The following FUT8 variants were observed in gnomAD, a reference collection of about 807,000 sequenced individuals.
FUT8 encodes the protein fucosyltransferase 8, also known as alpha-(1,6)-fucosyltransferase.
Under a neutral mutation model 71.3 loss-of-function variants are expected in FUT8, and 29 were observed. The observed-to-expected ratio is 0.41, with a 90% confidence interval of 0.30 to 0.55. FUT8 has a LOEUF of 0.55. FUT8 is among the 20% of genes least tolerant of loss of function. The pLI, the probability that FUT8 is intolerant of heterozygous loss-of-function variation, is 0.34. For missense variants in FUT8, 544 were observed against 702.1 expected, an observed-to-expected ratio of 0.77 and a Z score of 2.55; for synonymous variants, 254 against 239.3, an observed-to-expected ratio of 1.06 and a Z score of -0.57.
intron 6 of FUT8, among the ~76,000 whole-genome samples, chr14:65,654,835 T>A (rs73268557): frequency 6.6e-6 from 1 of 151,946 alleles, no homozygotes; most frequent in East Asian, 2.0e-4. Flanking sequence ...ACAAATGATC[T>A]AAACATACCA....
Position 65,552,053 on chromosome 14 carries a change from CTG to C in FUT8, c.-227-9282_-227-9281del, listed in dbSNP as rs1214713818. On this transcript the variant is annotated intron_variant, in intron 2 of 10. Transcript: ENST00000673929. ...TAAATTACCATGTTTTATTCTGACA[CTG>C]TACATATATTTTGATTTTCAAATTA... Among the ~76,000 whole-genome samples, 15 of 152,204 alleles carry C rather than the reference CTG, an allele frequency of 9.9e-5. No homozygotes were observed. In the South Asian group the frequency reaches 1.5e-3, roughly 15 times the overall value.
chr14:65,707,956 A>T (rs1275229952), intron 7 of FUT8, among the ~76,000 whole-genome samples: 1 of 152,092 alleles, frequency 6.6e-6, no homozygotes, highest in Non-Finnish European at 1.5e-5. Context: ...TGGGTTTTTT[A>T]GTGAATTCAT....
intron 1 of FUT8, among the ~76,000 whole-genome samples, chr14:65,431,661 C>CT (rs11321643): frequency 2.1e-5 from 3 of 143,742 alleles, no homozygotes; most frequent in African/African-American, 2.5e-5. Flanking sequence ...TGTAGGTTCA[C>CT]TTTTTTTTTT....
the FUT8 span, among the ~76,000 whole-genome samples, chr14:65,357,106 T>G: frequency 3.5e-3 from 527 of 152,332 alleles, no homozygotes; most frequent in Non-Finnish European, 5.2e-3. Context: ...CCTTGGGCAT[T>G]TACTTATGTT....
At chr14:65,418,256 A>G (rs893876255) in intron 1 of FUT8, among the ~76,000 whole-genome samples, 1 of 152,228 alleles carries the variant, frequency 6.6e-6, no homozygotes, top group Non-Finnish European at 1.5e-5. Flanking sequence ...GTATAACTAA[A>G]ATGAACCTGT....
At position 65,660,598 on chromosome 14, in the gene FUT8, G is replaced by A. The variant is rs1891911152; in HGVS notation, c.598-8645G>A. On this transcript the variant is annotated intron_variant, in intron 6 of 10. Transcript: ENST00000673929. This position sits in a 1 kb window ranked among gnomAD's most constrained non-coding sequence, Gnocchi z 4.1. ...CCTGAAGCACTTGGTAAACTACTTG[G>A]GCCTGAGCTATTGTGTTGTCCTTAC... 6.6e-6 allele frequency among the ~76,000 whole-genome samples: 1 copy of A among 152,050 alleles called. No homozygotes were observed. Among genetic ancestry groups the A allele is most frequent in the South Asian group, 2.1e-4 (1 of 4,824 alleles).
the FUT8 span, among the ~76,000 whole-genome samples, chr14:65,363,214 C>T: frequency 2.7e-5 from 4 of 148,244 alleles, no homozygotes; most frequent in Admixed American, 6.9e-5. Flanking sequence ...CCCTGCCTTT[C>T]GGGTTCAAGC....
At chr14:65,570,280 T>C (rs1047692894) in intron 3 of FUT8, among the ~76,000 whole-genome samples, 4 of 152,112 alleles carry the variant, frequency 2.6e-5, no homozygotes, top group African/African-American at 9.6e-5. Context: ...GTGTGATCCC[T>C]ACCCAGAATC....
intron 7 of FUT8, among the ~76,000 whole-genome samples, chr14:65,671,207 A>C (rs999428060): frequency 3.3e-5 from 5 of 152,192 alleles, no homozygotes; most frequent in African/African-American, 1.2e-4. Flanking sequence ...TTTGTATGGT[A>C]GTCAGAAAAG....
intron 2 of FUT8, among the ~76,000 whole-genome samples, chr14:65,466,090 C>G (rs1156604620): frequency 6.6e-6 from 1 of 152,052 alleles, no homozygotes; most frequent in East Asian, 1.9e-4. Context: ...ATTTTTATAG[C>G]CATTCCAGGT....
At chr14:65,676,733 C>T (rs1361587522) in intron 7 of FUT8, among the ~76,000 whole-genome samples, 2 of 151,926 alleles carry the variant, frequency 1.3e-5, no homozygotes, top group Non-Finnish European at 2.9e-5. Flanking sequence ...AACTCAAACA[C>T]CAAAGTATAG....
At chr14:65,708,070 TG>T (rs1166479587) in intron 7 of FUT8, among the ~76,000 whole-genome samples, 2 of 152,240 alleles carry the variant, frequency 1.3e-5, no homozygotes, top group African/African-American at 4.8e-5. Context: ...GATACGGTTA[TG>T]CTTTACATCC....
chr14:65,534,062 A>T (rs1253671125), intron 2 of FUT8, among the ~76,000 whole-genome samples: 2 of 152,126 alleles, frequency 1.3e-5, no homozygotes, highest in Non-Finnish European at 2.9e-5. Flanking sequence ...ATCAGTGTTC[A>T]TCAAGGATAT....
intron 2 of FUT8, among the ~76,000 whole-genome samples, chr14:65,500,493 T>G (rs1000149859): frequency 2.0e-5 from 3 of 152,224 alleles, no homozygotes; most frequent in Admixed American, 6.5e-5. Flanking sequence ...CTTCTCTTAC[T>G]TTGTTGTCTT....
intron 2 of FUT8, among the ~76,000 whole-genome samples, chr14:65,500,685 T>A (rs543014336): frequency 1.1e-3 from 163 of 152,314 alleles, no homozygotes; most frequent in Non-Finnish European, 2.0e-3. Context: ...ATAGTCTTCT[T>A]TGGACTTTCC....
intron 7 of FUT8, among the ~76,000 whole-genome samples, chr14:65,684,675 G>C (rs1260207055): frequency 2.0e-5 from 3 of 152,106 alleles, no homozygotes; most frequent in African/African-American, 7.2e-5. Context: ...GAATCATGGG[G>C]GCAGTTTCCC....
intron 2 of FUT8, among the ~76,000 whole-genome samples, chr14:65,482,417 A>G (rs1217080247): frequency 1.3e-5 from 2 of 152,156 alleles, no homozygotes; most frequent in Non-Finnish European, 2.9e-5. Flanking sequence ...AACACCCTCC[A>G]AATTCCTCTT....
chr14:65,733,282 A>AC lies in FUT8; in HGVS notation c.1312dup (p.Leu438ProfsTer40). 6.2e-7 allele frequency: 1 copy of AC among 1,607,850 alleles called. No individual in the cohort carries two copies. The highest frequency in any genetic ancestry group is 8.5e-7 in the Non-Finnish European group (1 of 1,175,654). On this transcript the variant is annotated frameshift_variant, in exon 10 of 11. Coordinates refer to ENST00000673929, the MANE Select transcript of FUT8 (RefSeq NM_001371533.1). LOFTEE classifies it high-confidence loss of function. ...ATAACTCTATTTCCTGGTCAGCTGG[A>AC]CTGCACAATCGATACACAGAAAATT...
At chr14:65,393,218 C>T in the FUT8 span, among the ~76,000 whole-genome samples, 1 of 152,166 alleles carries the variant, frequency 6.6e-6, no homozygotes, top group South Asian at 2.1e-4. Flanking sequence ...AGACATGCCT[C>T]CATTTTGCCC....
Sources: allele counts gnomAD v4.1 joint callset (sites outside exome capture counted in the v4.1 genomes callset), GRCh38; gene constraint gnomAD v4.1.1; non-coding constraint Gnocchi (gnomAD v3.1); transcripts MANE v1.5; gene names NCBI Gene and HGNC (gene_info 2026-07-23, HGNC 2026-07-21).